Variants in PITRM1 observed in about 807,000 individuals in gnomAD.
PITRM1 encodes the protein pitrilysin metallopeptidase 1, also known as presequence protease, mitochondrial.
PITRM1 carries 100 observed loss-of-function variants against 129.9 expected under a neutral mutation model. The ratio of observed to expected loss-of-function variants is 0.77; its 90% CI spans 0.65 to 0.91. PITRM1 has a LOEUF of 0.91. Ranked by LOEUF, PITRM1 falls within the 40% of genes least tolerant of loss-of-function variation. The probability of loss-of-function intolerance (pLI) is 0.00; values close to 1 mark genes in which losing one functional copy is unlikely to be tolerated. For synonymous variants in PITRM1, 591 were observed against 508.8 expected (o/e 1.16, Z -2.17); for missense variants, 1,471 against 1,318.3 (o/e 1.12, Z -1.79).
intron 1 of PITRM1, 96 bp downstream of exon 1, chr10:3,172,621 G>T: frequency 8.8e-7 from 1 of 1,136,346 alleles, no homozygotes; most frequent in South Asian, 1.7e-5. Flanking sequence ...TGCCAGCCCC[G>T]GGCGCAGGGA....
intron 23 of PITRM1, among the ~76,000 whole-genome samples, chr10:3,142,601 G>A (rs999594696): frequency 6.6e-6 from 1 of 152,244 alleles, no homozygotes; most frequent in African/African-American, 2.4e-5. Context: ...CACAGCCAAG[G>A]GGCAGCCAGA....
intron 9 of PITRM1, among the ~76,000 whole-genome samples, chr10:3,159,414 C>CT (rs997158581): frequency 6.6e-6 from 1 of 152,210 alleles, no homozygotes; most frequent in African/African-American, 2.4e-5. Context: ...CAAGCCTTCC[C>CT]TTCCTGAACA....
intron 2 of PITRM1, among the ~76,000 whole-genome samples, chr10:3,167,450 A>G (rs569358897): frequency 1.8e-4 from 28 of 152,330 alleles, no homozygotes; most frequent in South Asian, 8.3e-4. Flanking sequence ...TTACAGACGA[A>G]AAAACCGAGG....
chr10:3,152,996 A>C (rs1841652562), intron 14 of PITRM1, among the ~76,000 whole-genome samples: 1 of 152,244 alleles, frequency 6.6e-6, no homozygotes, highest in Non-Finnish European at 1.5e-5. Context: ...CGGAAGATTC[A>C]AGCTTTTACT....
At chr10:3,172,823 AG>A (rs1231701983), upstream of PITRM1, 59 of 1,519,864 alleles carry the variant, frequency 3.9e-5, 1 homozygote, top group Non-Finnish European at 5.1e-5. Flanking sequence ...AACCCGACGC[AG>A]GGCGCGGGGC....
chr10:3,149,598 C>T (rs773870570), intron 16 of PITRM1, 23 bp downstream of exon 16: 3 of 1,525,244 alleles, frequency 2.0e-6, no homozygotes, highest in South Asian at 2.6e-5. Flanking sequence ...ATAAGACACA[C>T]AAGGGTATGT....
At chr10:3,160,787 T>G (rs559374085) in intron 7 of PITRM1, among the ~76,000 whole-genome samples, 3 of 147,392 alleles carry the variant, frequency 2.0e-5, no homozygotes, top group East Asian at 2.0e-4. Context: ...TGAGATGGAG[T>G]CTCGCCCCGT....
At chr10:3,164,879 A>G (rs1842733780) in intron 6 of PITRM1, among the ~76,000 whole-genome samples, 2 of 152,212 alleles carry the variant, frequency 1.3e-5, no homozygotes, top group Admixed American at 1.3e-4. Context: ...TTTGCTCTGT[A>G]TGCAGCTCGC....
intron 9 of PITRM1, 134 bp from the exon 10 acceptor site, chr10:3,159,176 T>C: frequency 1.2e-6 from 1 of 822,416 alleles, no homozygotes; most frequent in South Asian, 1.9e-5. Flanking sequence ...AACAATTTTA[T>C]GAGCAGAAGA....
chr10:3,152,986 C>A (rs1033050032), intron 14 of PITRM1, among the ~76,000 whole-genome samples: 1 of 152,256 alleles, frequency 6.6e-6, no homozygotes, highest in Non-Finnish European at 1.5e-5. Context: ...GACCAGAAAT[C>A]GGAAGATTCA....
chr10:3,145,796 A>G (rs955534544), intron 20 of PITRM1, 80 bp from the exon 21 acceptor site: 2 of 1,123,540 alleles, frequency 1.8e-6, no homozygotes, highest in Non-Finnish European at 2.6e-6. Context: ...GTATAACTCA[A>G]TAATGTTGTT....
intron 14 of PITRM1, among the ~76,000 whole-genome samples, chr10:3,153,272 G>T (rs1040448156): frequency 1.3e-5 from 2 of 152,184 alleles, no homozygotes; most frequent in African/African-American, 2.4e-5. Context: ...GCCAGGCCAC[G>T]AATATGAAGT....
Position 3,151,074 on chromosome 10 carries a change from G to A in PITRM1, c.1738+173C>T, listed in dbSNP as rs148622881. On this transcript the variant is annotated intron_variant, in intron 15 of 26. Transcript: ENST00000224949. ...CTGAGTGAAGGAGTCTATCACCACCGAGAGTTAAGAACAAGGCAGAAGAAT... is the reference window on the plus strand; with the variant it reads ...CTGAGTGAAGGAGTCTATCACCACCAAGAGTTAAGAACAAGGCAGAAGAAT... 1.9e-3 allele frequency: 1,121 copies of A among 583,786 alleles called. 15 individuals are homozygous for A. In the East Asian group the frequency reaches 0.027, roughly 14 times the overall value. The allele number at this position is 583,786 out of a possible 1,614,324, so 36.2% of individuals were successfully genotyped here.
rs1288091760 is a variant in PITRM1 at position 3,163,755 on chromosome 10, T to C, written c.761A>G (p.His254Arg). The C allele has an allele frequency of 3.7e-6, 6 of 1,612,184 alleles. No homozygotes were observed. The highest frequency in any genetic ancestry group is 4.2e-6 in the Non-Finnish European group (5 of 1,179,296). Residue 254 changes from histidine to arginine, a missense_variant, in exon 7 of 27, where the codon CAT becomes CGT. Transcript: ENST00000224949. ...ELTWEQLKQF[H>R]ATHYHPSNAR... ...ATTGCTTGGGTGATAGTGAGTGGCA[T>C]GAAACTGCTTAAGCTGCTCCCATGT...
At chr10:3,143,975 G>A (rs554897425) in intron 22 of PITRM1, 42 of 530,846 alleles carry the variant, frequency 7.9e-5, no homozygotes, top group Middle Eastern at 5.2e-4. Flanking sequence ...CGGGAGCTAC[G>A]TTCAAAGAAG....
chr10:3,162,150 C>A (rs1398922444), intron 7 of PITRM1, among the ~76,000 whole-genome samples: 2 of 110,890 alleles, frequency 1.8e-5, no homozygotes, highest in African/African-American at 6.9e-5. Flanking sequence ...AGAACCAGAC[C>A]CTGTCTTTAA....
chr10:3,154,829 G>A (rs1255124562), intron 14 of PITRM1, among the ~76,000 whole-genome samples: 3 of 151,758 alleles, frequency 2.0e-5, no homozygotes, highest in East Asian at 1.9e-4. Context: ...CCCTTCCTTC[G>A]TTCCACCCGG....
At chr10:3,147,397 C>T in intron 19 of PITRM1, 147 bp from the exon 20 acceptor site, 1 of 925,488 alleles carries the variant, frequency 1.1e-6, no homozygotes, top group Non-Finnish European at 1.7e-6. Context: ...AACTGGGATG[C>T]AGGGTGGTAC....
In PITRM1 at chr10:3,137,772, G is replaced by C. The variant is rs1839680044; in HGVS notation, c.*259C>G. The C allele has an allele frequency of 2.0e-6, 1 of 488,850 alleles. No individual in the cohort carries two copies. The highest frequency in any genetic ancestry group is 2.0e-5 in the African/African-American group (1 of 51,140). 30.3% of individuals were successfully genotyped at this position (488,850 alleles called of 1,614,324 possible). A position where few individuals can be genotyped will look rare whatever the true frequency, so the allele number is the denominator to read the frequency against. On this transcript the variant is annotated 3_prime_UTR_variant, in exon 27 of 27. Transcript: ENST00000224949. ...TATTTTTAGATTCTTAAATATTCTA[G>C]AATGAGGTAAAACGAGCCTGCCAGT...
Sources: allele counts gnomAD v4.1 joint callset (sites outside exome capture counted in the v4.1 genomes callset), GRCh38; gene constraint gnomAD v4.1.1; transcripts MANE v1.5; gene names NCBI Gene and HGNC (gene_info 2026-07-23, HGNC 2026-07-21).